The following POP1 variants were observed in gnomAD, a reference collection of about 807,000 sequenced individuals.
POP1 encodes the protein POP1 ribonuclease P/MRP subunit.
In POP1, 75 loss-of-function variants were observed where a neutral mutation model predicts 102.2. The ratio of observed to expected loss-of-function variants is 0.73; its 90% confidence interval spans 0.61 to 0.89. The LOEUF is 0.89. Ranked by LOEUF, POP1 falls within the 40% of genes least tolerant of loss-of-function variation. The pLI is 0.00. For synonymous variants in POP1, 436 were observed against 464.1 expected (o/e 0.94, Z 0.78); for missense variants, 1,116 against 1,267.4 (o/e 0.88, Z 1.81).
chr8:98,133,433 A>G (rs754186831), intron 5 of POP1, among the ~76,000 whole-genome samples: 24 of 152,134 alleles, frequency 1.6e-4, no homozygotes, highest in Admixed American at 6.5e-5. Flanking sequence ...ATTAATTGCA[A>G]TATTGTATCT....
chr8:98,149,536 C>G (rs1263669921), intron 13 of POP1, among the ~76,000 whole-genome samples: 1 of 151,962 alleles, frequency 6.6e-6, no homozygotes. Flanking sequence ...GTGGGCAGAT[C>G]ACTTGAGGTC....
At position 98,136,586 on chromosome 8, in the gene POP1, A is replaced by G; in HGVS notation, c.1116A>G (p.Gln372=). Residue 372 remains glutamine (Q), a synonymous_variant, in exon 8 of 16, where the codon CAA becomes CAG. Coordinates refer to ENST00000401707, the MANE Select transcript of POP1 (RefSeq NM_001145860.2). The stretch of plus-strand genomic sequence containing the variant: ...CAACACCATCCCAAGAAAAAAGCCA[A>G]ACTGAATTGCCTGACGAGAAAATTG... ...PLPTPSQEKS[Q]TELPDEKIGK... The G allele has an allele frequency of 5.6e-6, 9 of 1,614,164 alleles. No homozygotes were observed. The highest frequency in any genetic ancestry group is 7.6e-6 in the Non-Finnish European group (9 of 1,180,034).
intron 6 of POP1, 42 bp from the exon 7 acceptor site, chr8:98,134,430 T>G: frequency 6.2e-7 from 1 of 1,603,416 alleles, no homozygotes; most frequent in Non-Finnish European, 8.5e-7. Context: ...GACTGCAGTC[T>G]CAACACCCGG....
chr8:98,127,426 T>A (rs1014662772), intron 2 of POP1, among the ~76,000 whole-genome samples, 169 bp from the exon 3 acceptor site: 1 of 152,210 alleles, frequency 6.6e-6, no homozygotes, highest in African/African-American at 2.4e-5. Flanking sequence ...GCAAGTTAAT[T>A]CACCTTCCTA....
chr8:98,132,906 C>CAA lies in POP1; in HGVS notation c.736-1019_736-1018dup, dbSNP rs11308385. 3.3e-4 allele frequency among the ~76,000 whole-genome samples: 4 copies of CAA among 12,274 alleles called. 1 individual carries two copies. The highest frequency in any genetic ancestry group is 1.4e-3 in the African/African-American group (3 of 2,184). The allele number at this position is 12,274 out of a possible 152,430, so 8.1% of individuals were successfully genotyped here. On this transcript the variant is annotated intron_variant, in intron 5 of 15. Transcript: ENST00000401707. ...GCAACATAGTGAGACTCTGTCTCTG[C>CAA]AAAAAAAAAAAAAAAAAAAAAAAAA... is the stretch of plus-strand genomic sequence containing the variant.
intron 6 of POP1, 99 bp from the exon 7 acceptor site, chr8:98,134,373 T>C (rs1347310314): frequency 1.6e-6 from 2 of 1,270,578 alleles, no homozygotes; most frequent in South Asian, 1.2e-5. Context: ...AAACTTCACC[T>C]CTCATGGAGG....
chr8:98,156,563 T>C (rs1357402633), intron 15 of POP1, 151 bp downstream of exon 15: 5 of 939,208 alleles, frequency 5.3e-6, no homozygotes, highest in Admixed American at 5.5e-5. Context: ...TTATATTTCA[T>C]AGAGGGCTCA....
chr8:98,119,233 A>G (rs2130567148), intron 1 of POP1, among the ~76,000 whole-genome samples: 1 of 152,372 alleles, frequency 6.6e-6, no homozygotes, highest in Non-Finnish European at 1.5e-5. Context: ...ATAAGAAGCT[A>G]TTTTGGAGCA....
chr8:98,143,633 G>C (rs1224232591), intron 11 of POP1, among the ~76,000 whole-genome samples: 1 of 152,128 alleles, frequency 6.6e-6, no homozygotes, highest in Non-Finnish European at 1.5e-5. Context: ...TTTGACAAAG[G>C]TGTAATGACA....
At chr8:98,153,936 C>T (rs1189712098) in intron 14 of POP1, among the ~76,000 whole-genome samples, 4 of 152,132 alleles carry the variant, frequency 2.6e-5, no homozygotes, top group Non-Finnish European at 5.9e-5. Flanking sequence ...GTTAGCCTGC[C>T]ACTGACATCT....
intron 6 of POP1, 114 bp from the exon 7 acceptor site, chr8:98,134,358 A>G: frequency 9.1e-7 from 1 of 1,101,870 alleles, no homozygotes; most frequent in Non-Finnish European, 1.4e-6. Context: ...CAATCCTCAC[A>G]ACCAAAACTT....
intron 10 of POP1, among the ~76,000 whole-genome samples, chr8:98,140,446 A>G (rs559369456): frequency 2.6e-5 from 4 of 152,244 alleles, no homozygotes; most frequent in Non-Finnish European, 5.9e-5. Context: ...TACACCAGGT[A>G]CTGACCTAAA....
At chr8:98,155,282 ATT>A (rs911407850) in intron 14 of POP1, among the ~76,000 whole-genome samples, 2 of 151,984 alleles carry the variant, frequency 1.3e-5, no homozygotes, top group African/African-American at 4.8e-5. Flanking sequence ...TATTATTATT[ATT>A]TTATTTTTTA....
intron 9 of POP1, among the ~76,000 whole-genome samples, chr8:98,137,462 C>T (rs1160760541): frequency 1.3e-5 from 2 of 152,052 alleles, no homozygotes; most frequent in Admixed American, 6.5e-5. Flanking sequence ...ACCACCAGGC[C>T]CAGCTAGTAG....
chr8:98,138,731 A>G (rs1251793269), intron 9 of POP1, among the ~76,000 whole-genome samples: 1 of 152,168 alleles, frequency 6.6e-6, no homozygotes, highest in Non-Finnish European at 1.5e-5. Context: ...GTAGTAGCTA[A>G]TAAGTTGTGG....
chr8:98,126,006 C>T (rs1269976458), intron 2 of POP1, among the ~76,000 whole-genome samples: 1 of 151,798 alleles, frequency 6.6e-6, no homozygotes, highest in African/African-American at 2.4e-5. Flanking sequence ...CCATTATGCC[C>T]AGCAAATTTT....
At chr8:98,119,941 G>C (rs1160111256) in intron 1 of POP1, among the ~76,000 whole-genome samples, 1 of 152,192 alleles carries the variant, frequency 6.6e-6, no homozygotes, top group Non-Finnish European at 1.5e-5. Context: ...CCCTTCTGCT[G>C]TTAGAGGACC....
intron 13 of POP1, 62 bp from the exon 14 acceptor site, chr8:98,150,423 A>G (rs1179291687): frequency 6.3e-7 from 1 of 1,586,258 alleles, no homozygotes; most frequent in Non-Finnish European, 8.6e-7. Context: ...TCCCCCATAT[A>G]AACATTAAGC....
intron 2 of POP1, 84 bp from the exon 3 acceptor site, chr8:98,127,511 T>C: frequency 6.6e-7 from 1 of 1,525,538 alleles, no homozygotes. Context: ...ACATGGTCAA[T>C]GTTGCCACCC....
Sources: allele counts gnomAD v4.1 joint callset (sites outside exome capture counted in the v4.1 genomes callset), GRCh38; gene constraint gnomAD v4.1.1; transcripts MANE v1.5; gene names NCBI Gene and HGNC (gene_info 2026-07-23, HGNC 2026-07-21).